SLC30A5: variants seen among roughly 807,000 people sequenced by gnomAD.
SLC30A5 encodes proton-coupled zinc antiporter SLC30A5.
Under a neutral mutation model 79.6 loss-of-function variants are expected in SLC30A5, and 33 were observed. That is an observed-to-expected ratio of 0.41 (90% CI 0.31 to 0.55). The LOEUF (loss-of-function observed/expected upper bound fraction) is 0.55. Among genes scored for constraint, SLC30A5 ranks in the 20% least tolerant of loss-of-function variants. The pLI, the probability that SLC30A5 is intolerant of heterozygous loss-of-function variation, is 0.20. For missense variants in SLC30A5, 788 were observed against 928.1 expected, an observed-to-expected ratio of 0.85 and a Z score of 1.96; for synonymous variants, 299 against 319.7, an observed-to-expected ratio of 0.94 and a Z score of 0.69.
rs1022638241 is a variant in SLC30A5 at position 69,104,853 on chromosome 5, A to G, written c.359+137A>G. On this transcript the variant is annotated intron_variant, in intron 4 of 15. Transcript: ENST00000396591. The stretch of plus-strand genomic sequence containing the variant: ...CTTTTATAGCATCAGAGAGAATTCA[A>G]CAGATAGAACAAACCTGTTTAGTTT... 13 of 749,654 alleles carry G rather than the reference A, an allele frequency of 1.7e-5. No homozygotes were observed. In the African/African-American group the frequency reaches 1.8e-4, roughly 11 times the overall value. The allele number at this position is 749,654 out of a possible 1,614,324, so 46.4% of individuals were successfully genotyped here.
Position 69,111,515 on chromosome 5 carries a change from A to G in SLC30A5, c.448-1625A>G, listed in dbSNP as rs190995778. ...GAGACAGGGTTTCACCATATTGGTC[A>G]GGCTGGTCTTGAACTCCTGACCTCA... On this transcript the variant is annotated intron_variant, in intron 5 of 15. Transcript: ENST00000396591. Among the ~76,000 whole-genome samples, 1,374 of 151,686 alleles carry G rather than the reference A, an allele frequency of 9.1e-3. 47 individuals carry two copies. Among genetic ancestry groups the G allele is most frequent in the Admixed American group, 0.062 (944 of 15,236 alleles).
intron 4 of SLC30A5, among the ~76,000 whole-genome samples, chr5:69,107,661 C>A (rs1380469750): frequency 2.0e-5 from 3 of 152,038 alleles, no homozygotes; most frequent in Non-Finnish European, 4.4e-5. Flanking sequence ...TCTTATGGCA[C>A]CACCATCGTA....
chr5:69,129,991 T>A lies in SLC30A5; in HGVS notation c.*374T>A, dbSNP rs879454483. On this transcript the variant is annotated 3_prime_UTR_variant, in exon 16 of 16. Transcript: ENST00000396591. ...TTATTACAAAGACCCAAATGAAAAA[T>A]TTTTAGTCCATTTTTTGCATAGCCT... 128 of 154,460 alleles carry A rather than the reference T, an allele frequency of 8.3e-4. No homozygotes were observed. The highest frequency in any genetic ancestry group is 1.2e-3 in the Non-Finnish European group (84 of 69,578). The allele number at this position is 154,460 out of a possible 1,614,324, so 9.6% of individuals were successfully genotyped here. A position where few individuals can be genotyped will look rare whatever the true frequency, so the allele number is the denominator to read the frequency against.
intron 14 of SLC30A5, among the ~76,000 whole-genome samples, chr5:69,125,865 C>T (rs1372661836): frequency 4.3e-4 from 28 of 64,812 alleles, no homozygotes; most frequent in African/African-American, 3.1e-3. Flanking sequence ...AGCGAGACTC[C>T]GTCTCAAAAA....
rs192740227 is a variant in SLC30A5 at position 69,129,726 on chromosome 5, G to T, written c.*109G>T. 630 of 930,646 alleles carry T rather than the reference G, an allele frequency of 6.8e-4. 3 individuals are homozygous for T. The Middle Eastern group carries it at 0.011, about 16-fold the overall frequency. The allele number at this position is 930,646 out of a possible 1,614,324, so 57.6% of individuals were successfully genotyped here. On this transcript the variant is annotated 3_prime_UTR_variant, in exon 16 of 16. Transcript: ENST00000396591. ...TACACATTAACTGTACAGAAACAGA[G>T]TTCCCTACTACTGGATCAAGGAATC...
chr5:69,105,395 G>A (rs962629896), intron 4 of SLC30A5, among the ~76,000 whole-genome samples: 2 of 152,172 alleles, frequency 1.3e-5, no homozygotes, highest in African/African-American at 4.8e-5. Flanking sequence ...CCGTGAGAAT[G>A]AGAGGTAAGG....
intron 7 of SLC30A5, among the ~76,000 whole-genome samples, chr5:69,114,817 G>A (rs1189410391): frequency 1.3e-5 from 2 of 152,100 alleles, no homozygotes; most frequent in Non-Finnish European, 2.9e-5. Flanking sequence ...GTGAGCCAAG[G>A]TCGCGCTATT....
Position 69,118,554 on chromosome 5 carries a change from A to G in SLC30A5, c.1495A>G (p.Ile499Val). 6.2e-7 allele frequency: 1 copy of G among 1,604,056 alleles called. No individual in the cohort carries two copies. The highest frequency in any genetic ancestry group is 8.5e-7 in the Non-Finnish European group (1 of 1,175,556). The change falls in exon 12 of 16, where the codon ATA becomes GTA. Residue 499 changes from isoleucine to valine, a missense_variant. Ile to Val is a conservative substitution (Grantham distance 29). This residue lies in a region of SLC30A5 where 626 missense variants were observed against 755.5 expected (regional missense o/e 0.83). Coordinates refer to ENST00000396591, the MANE Select transcript of SLC30A5 (RefSeq NM_022902.5). Reference protein sequence around the residue: ...GFINGLFLIVIAFFVFMESVA... With the variant: ...GFINGLFLIVVAFFVFMESVA... ...TATTAATGGACTTTTTCTAATAGTA[A>G]TAGCGTTTTTTGTGTTTATGGAGTC...
intron 12 of SLC30A5, among the ~76,000 whole-genome samples, chr5:69,120,800 C>T (rs1561297235): frequency 2.0e-5 from 3 of 152,148 alleles, no homozygotes; most frequent in African/African-American, 7.2e-5. Flanking sequence ...AAGTATTTGT[C>T]CTTCTCATAT....
rs1168402006 is a variant in SLC30A5 at position 69,130,572 on chromosome 5, A to G, written c.*955A>G. ...TGGAACATATAGATATATAAGAAAT[A>G]TCAAAGAATAGGTAGTTATTTCAAA... On this transcript the variant is annotated 3_prime_UTR_variant, in exon 16 of 16. Transcript: ENST00000396591. 6.6e-6 allele frequency: 1 copy of G among 152,230 alleles called. No individual in the cohort carries two copies. The highest frequency in any genetic ancestry group is 6.5e-5 in the Admixed American group (1 of 15,280). 9.4% of individuals were successfully genotyped at this position (152,230 alleles called of 1,614,324 possible). A position where few individuals can be genotyped will look rare whatever the true frequency, so the allele number is the denominator to read the frequency against.
intron 4 of SLC30A5, among the ~76,000 whole-genome samples, chr5:69,107,857 C>T (rs1241538233): frequency 1.3e-5 from 2 of 152,020 alleles, no homozygotes; most frequent in African/African-American, 2.4e-5. Context: ...CTCAGCCTCC[C>T]GAGTAGCTGG....
At chr5:69,124,320 A>G (rs1746618004) in intron 14 of SLC30A5, among the ~76,000 whole-genome samples, 1 of 151,944 alleles carries the variant, frequency 6.6e-6, no homozygotes, top group African/African-American at 2.4e-5. Context: ...TATGGTATGT[A>G]ATGTAAAAGA....
At position 69,123,349 on chromosome 5, in the gene SLC30A5, T is replaced by C. The variant is rs1204463063; in HGVS notation, c.1922T>C (p.Ile641Thr). Residue 641 changes from isoleucine (I) to threonine (T), a missense_variant, in exon 14 of 16, where the codon ATT becomes ACT. By Grantham distance (89) the Ile-to-Thr change is moderately conservative (BLOSUM62 -1). Transcript: ENST00000396591. ...ATATTTCTCAGTGTTGTTCCACTGA[T>C]TAAAGATGCCTGCCAGGTTCTACTC... The part of the protein sequence containing the change: ...ILIFLSVVPL[I>T]KDACQVLLLR... The C allele has an allele frequency of 1.9e-6, 3 of 1,613,872 alleles. No individual in the cohort carries two copies. Among genetic ancestry groups the C allele is most frequent in the East Asian group, 2.2e-5 (1 of 44,874 alleles).
In SLC30A5 at chr5:69,104,671, T is replaced by C. The variant is rs945738725; in HGVS notation, c.314T>C (p.Ile105Thr). 15 of 1,581,378 alleles carry C rather than the reference T, an allele frequency of 9.5e-6. No individual in the cohort carries two copies. Among genetic ancestry groups the C allele is most frequent in the Non-Finnish European group, 1.2e-5 (14 of 1,167,862 alleles). ...AAACATGCAGTTGCTGGGTGTATTA[T>C]TTCACTCTTGTGGTTTTTTGGCCTC... ...IFKHAVAGCI[I>T]SLLWFFGLTL... The change falls in exon 4 of 16, where the codon ATT (isoleucine) becomes ACT (threonine). Residue 105 changes from isoleucine (I) to threonine (T), a missense_variant. Physicochemically the swap from Ile to Thr is moderately conservative, Grantham distance 89 (BLOSUM62 -1). Transcript: ENST00000396591.
intron 3 of SLC30A5, chr5:69,104,081 C>CA: frequency 6.6e-7 from 1 of 1,506,186 alleles, no homozygotes; most frequent in Non-Finnish European, 8.9e-7. Flanking sequence ...AAAAAGATTT[C>CA]AAAATCTACC....
chr5:69,122,408 C>T (rs993493403), intron 13 of SLC30A5, among the ~76,000 whole-genome samples: 1 of 152,092 alleles, frequency 6.6e-6, no homozygotes, highest in African/African-American at 2.4e-5. Context: ...AATCCTAGCA[C>T]TTTGGGAGGC....
chr5:69,122,735 ACAG>A (rs1746570215), intron 13 of SLC30A5, among the ~76,000 whole-genome samples: 1 of 152,242 alleles, frequency 6.6e-6, no homozygotes, highest in Non-Finnish European at 1.5e-5. Flanking sequence ...TTTCATAGTG[ACAG>A]CTGAATAGAT....
At chr5:69,120,477 A>T (rs897876878) in intron 12 of SLC30A5, among the ~76,000 whole-genome samples, 11 of 152,248 alleles carry the variant, frequency 7.2e-5, no homozygotes, top group Non-Finnish European at 1.3e-4. Flanking sequence ...ACAGATGGAA[A>T]ATACACCATT....
Position 69,104,476 on chromosome 5 carries a change from A to T in SLC30A5, c.274-155A>T. On this transcript the variant is annotated intron_variant, in intron 3 of 15. Coordinates refer to ENST00000396591, the MANE Select transcript of SLC30A5 (RefSeq NM_022902.5). Reference sequence around the variant, plus strand: ...AATACTGTCTTGGAAATCTAGACTTAGTCAAGGGATCTTATGTTTTCTATT... The same window carrying T: ...AATACTGTCTTGGAAATCTAGACTTTGTCAAGGGATCTTATGTTTTCTATT... 2.9e-6 allele frequency: 4 copies of T among 1,379,468 alleles called. No individual in the cohort carries two copies. In the South Asian group the frequency reaches 5.0e-5, roughly 17 times the overall value. 85.5% of individuals were successfully genotyped at this position (1,379,468 alleles called of 1,614,324 possible).
Sources: allele counts gnomAD v4.1 joint callset (sites outside exome capture counted in the v4.1 genomes callset), GRCh38; gene constraint gnomAD v4.1.1; regional missense constraint gnomAD v4.1.1; transcripts MANE v1.5; gene names NCBI Gene and HGNC (gene_info 2026-07-23, HGNC 2026-07-21).